DHRSX: variants seen among roughly 807,000 people sequenced by gnomAD.
The protein encoded by DHRSX is polyprenol dehydrogenase.
Under a neutral mutation model 34.0 loss-of-function variants are expected in DHRSX, and 31 were observed. That is an observed-to-expected ratio of 0.91 (90% CI 0.69 to 1.23). The LOEUF is 1.23. DHRSX is among the 50% of genes most tolerant of loss of function. The pLI is 0.00. For missense variants in DHRSX, 414 were observed against 428.1 expected (o/e 0.97, Z 0.29); for synonymous variants, 201 against 183.8 (o/e 1.09, Z -0.76).
intron 2 of DHRSX, among the ~76,000 whole-genome samples, chrX:2,414,733 C>A (rs1399374955): frequency 1.3e-5 from 2 of 151,850 alleles, no homozygotes; most frequent in Non-Finnish European, 2.9e-5. Context: ...AATTACATCT[C>A]ATTATGACAA....
intron 3 of DHRSX, chrX:2,337,943 C>G (rs1187901864): frequency 5.3e-5 from 8 of 150,652 alleles, no homozygotes; most frequent in Non-Finnish European, 8.8e-5. Flanking sequence ...TTTTCCAAGT[C>G]CTTCATGAAC....
At chrX:2,430,849 C>T (rs2043909707) in intron 1 of DHRSX, among the ~76,000 whole-genome samples, 1 of 150,500 alleles carries the variant, frequency 6.6e-6, no homozygotes, top group African/African-American at 2.4e-5. Flanking sequence ...CCCATTGCTA[C>T]AAAACAAAAA....
rs745995011 is a variant in DHRSX, at chrX:2,425,292, C to A, written c.122G>T (p.Arg41Leu). The A allele has an allele frequency of 6.8e-6, 11 of 1,613,308 alleles. No individual in the cohort carries two copies. The highest frequency in any genetic ancestry group is 9.3e-6 in the Non-Finnish European group (11 of 1,179,542). ...GGFLEPVFPPRPDRVAIVTGG... is the reference protein window; with the variant it reads ...GGFLEPVFPPLPDRVAIVTGG... ...CGTCACTATAGCGACACGGTCAGGT[C>A]GTGGGGGGAAAACTGAAAAAGAAGA... is the stretch of plus-strand genomic sequence containing the variant. The change falls in exon 2 of 7, where the codon CGA becomes CTA. Residue 41 changes from arginine (R) to leucine (L), a missense_variant. Physicochemically the swap from Arg to Leu is moderately radical, Grantham distance 102 (BLOSUM62 -2). Transcript: ENST00000334651.
At chrX:2,283,007 AAG>A (rs1007847826) in intron 4 of DHRSX, among the ~76,000 whole-genome samples, 45 of 151,714 alleles carry the variant, frequency 3.0e-4, no homozygotes, top group Non-Finnish European at 5.2e-4. Context: ...AAGAGGTGGA[AAG>A]AGAGAATGAC....
chrX:2,340,291 A>G (rs1273515523), intron 3 of DHRSX, among the ~76,000 whole-genome samples: 1 of 152,056 alleles, frequency 6.6e-6, no homozygotes, highest in Non-Finnish European at 1.5e-5. Flanking sequence ...ATACCTATGT[A>G]ACAAAAACTG....
intron 1 of DHRSX, among the ~76,000 whole-genome samples, chrX:2,482,122 C>T (rs368492187): frequency 2.2e-5 from 3 of 139,326 alleles, no homozygotes; most frequent in African/African-American, 2.8e-5. Context: ...TGTGCCACCA[C>T]GTCTGGCTTT....
intron 3 of DHRSX, among the ~76,000 whole-genome samples, chrX:2,332,103 T>C (rs1408959039): frequency 6.6e-6 from 1 of 152,206 alleles, no homozygotes; most frequent in Non-Finnish European, 1.5e-5. Context: ...ATGCTCACCA[T>C]TCACTAAGTG....
chrX:2,384,921 A>G (rs187119006), intron 3 of DHRSX, among the ~76,000 whole-genome samples: 9,105 of 149,800 alleles, frequency 0.061, 643 homozygotes, highest in African/African-American at 0.17. Flanking sequence ...AATAAAAAAT[A>G]AATAAATTTA....
intron 3 of DHRSX, among the ~76,000 whole-genome samples, chrX:2,355,400 T>A (rs749942624): frequency 7.3e-5 from 11 of 151,498 alleles, no homozygotes; most frequent in Non-Finnish European, 1.3e-4. Context: ...TAGTCCCAGC[T>A]ACTCGGGAGG....
intron 1 of DHRSX, among the ~76,000 whole-genome samples, chrX:2,480,561 C>T (rs1317668573): frequency 1.3e-5 from 2 of 150,628 alleles, no homozygotes; most frequent in African/African-American, 2.4e-5. Flanking sequence ...CATGCACCTG[C>T]AGTCCCAGCT....
chrX:2,321,442 A>C (rs1280394416), intron 3 of DHRSX, among the ~76,000 whole-genome samples: 8 of 152,116 alleles, frequency 5.3e-5, no homozygotes, highest in Non-Finnish European at 1.2e-4. Flanking sequence ...CCCTAATGCC[A>C]AAGGGGATGG....
intron 1 of DHRSX, among the ~76,000 whole-genome samples, chrX:2,454,973 G>A (rs1315180889): frequency 2.0e-5 from 3 of 151,884 alleles, no homozygotes; most frequent in Non-Finnish European, 2.9e-5. Flanking sequence ...TTAGCTGGGC[G>A]TGGTGGCATG....
intron 4 of DHRSX, among the ~76,000 whole-genome samples, chrX:2,271,156 G>A (rs1200668070): frequency 3.3e-5 from 5 of 152,148 alleles, no homozygotes; most frequent in Admixed American, 6.5e-5. Flanking sequence ...GCCAAGGTCC[G>A]CAGCTTCACT....
intron 4 of DHRSX, among the ~76,000 whole-genome samples, chrX:2,276,709 G>C (rs1228717904): frequency 7.3e-6 from 1 of 137,758 alleles, no homozygotes; most frequent in African/African-American, 2.5e-5. Flanking sequence ...AGAGAAAGGA[G>C]AGTGATGGGG....
chrX:2,325,520 C>G (rs759928794), intron 3 of DHRSX, among the ~76,000 whole-genome samples: 2 of 152,288 alleles, frequency 1.3e-5, no homozygotes, highest in African/African-American at 4.8e-5. Context: ...AAAACAGGAC[C>G]GAGAGCCCCG....
chrX:2,220,206 C>A lies in DHRSX; in HGVS notation c.*835G>T, dbSNP rs750978399. 1.3e-5 allele frequency: 2 copies of A among 152,462 alleles called. No homozygotes were observed. Among genetic ancestry groups the A allele is most frequent in the Non-Finnish European group, 2.9e-5 (2 of 68,228 alleles). The allele number at this position is 152,462 out of a possible 1,614,324, so 9.4% of individuals were successfully genotyped here. A position where few individuals can be genotyped will look rare whatever the true frequency, so the allele number is the denominator to read the frequency against. ...GTGGTGGCATCACTCCAGTCTCTGT[C>A]TGCATCATCACACGAATATCTTGTC... On this transcript the variant is annotated 3_prime_UTR_variant, in exon 7 of 7. Transcript: ENST00000334651.
chrX:2,436,136 T>G (rs1186512037), intron 1 of DHRSX, among the ~76,000 whole-genome samples: 1 of 151,288 alleles, frequency 6.6e-6, no homozygotes, highest in East Asian at 1.9e-4. Context: ...GAGGTAGCAG[T>G]GAGCCGAGAT....
intron 6 of DHRSX, among the ~76,000 whole-genome samples, chrX:2,223,325 CT>C (rs2015563676): frequency 6.6e-6 from 1 of 152,194 alleles, no homozygotes; most frequent in South Asian, 2.1e-4. Context: ...TAAGACATGC[CT>C]TTGCTCCTCC....
intron 3 of DHRSX, among the ~76,000 whole-genome samples, chrX:2,333,147 T>TA (rs775259461): frequency 9.3e-4 from 142 of 152,254 alleles, no homozygotes; most frequent in African/African-American, 3.2e-3. Flanking sequence ...TCACGATGGG[T>TA]AAAAAAAGGT....
Sources: gnomAD v4.1 joint callset for allele counts (sites outside exome capture counted in the v4.1 genomes callset) on GRCh38, gnomAD v4.1.1 for gene constraint, MANE v1.5 for transcripts, NCBI Gene and HGNC (gene_info 2026-07-23, HGNC 2026-07-21) for gene names.